Variants in PUM3 observed in about 807,000 individuals in gnomAD.
PUM3 encodes the protein pumilio RNA binding family member 3, also known as pumilio homolog 3.
Under a neutral mutation model 84.0 loss-of-function variants are expected in PUM3, and 91 were observed. The ratio of observed to expected loss-of-function variants is 1.08; its 90% CI spans 0.91 to 1.29. PUM3 has a LOEUF of 1.29. PUM3 is among the 50% of genes most tolerant of loss of function. The pLI is 0.00. For synonymous variants in PUM3, 321 were observed against 266.7 expected (o/e 1.20, Z -1.98); for missense variants, 1,067 against 767.5 (o/e 1.39, Z -4.61).
intron 1 of PUM3, among the ~76,000 whole-genome samples, chr9:2,843,534 A>T (rs1165839554): frequency 1.3e-5 from 2 of 149,600 alleles, no homozygotes; most frequent in Non-Finnish European, 3.0e-5. Flanking sequence ...CCCGGCACGC[A>T]GGGCAACGTG....
At chr9:2,825,419 A>C (rs1815787522) in intron 10 of PUM3, among the ~76,000 whole-genome samples, 1 of 152,098 alleles carries the variant, frequency 6.6e-6, no homozygotes, top group Non-Finnish European at 1.5e-5. Flanking sequence ...TTAATTTCTC[A>C]CTAGGTAGCT....
chr9:2,805,305 C>A (rs987282960), intron 17 of PUM3, among the ~76,000 whole-genome samples: 1 of 152,174 alleles, frequency 6.6e-6, no homozygotes, highest in Non-Finnish European at 1.5e-5. Flanking sequence ...GTGAAAGGAG[C>A]CATAGAGGCT....
In PUM3 at chr9:2,829,824, T is replaced by C. The variant is rs750725732; in HGVS notation, c.802A>G (p.Arg268Gly). 6.2e-7 allele frequency: 1 copy of C among 1,614,080 alleles called. No homozygotes were observed. Among genetic ancestry groups the C allele is most frequent in the African/African-American group, 1.3e-5 (1 of 74,942 alleles). ...AYNDKAILEQ[R>G]NMLTEELYGN... ...TAGAGCTCTTCCGTCAGCATGTTCC[T>C]CTGCTCCAAAATGGCTTTGTCATTG... The change falls in exon 8 of 18, where the codon AGG (arginine) becomes GGG (glycine). Residue 268 changes from arginine (R) to glycine (G), a missense_variant. By Grantham distance (125) the Arg-to-Gly change is moderately radical. Transcript: ENST00000397885.
chr9:2,842,088 C>T (rs1214391102), intron 1 of PUM3, among the ~76,000 whole-genome samples: 3 of 152,196 alleles, frequency 2.0e-5, no homozygotes, highest in African/African-American at 7.2e-5. Flanking sequence ...TGGAATCATA[C>T]AATATGTAAC....
At chr9:2,812,403 T>C in intron 13 of PUM3, 41 bp from the exon 14 acceptor site, 2 of 1,368,326 alleles carry the variant, frequency 1.5e-6, no homozygotes, top group Non-Finnish European at 2.0e-6. Flanking sequence ...AATATCTGCA[T>C]TCTCAAAACA....
chr9:2,831,535 T>C (rs1164401977), intron 5 of PUM3, among the ~76,000 whole-genome samples, 191 bp from the exon 6 acceptor site: 1 of 152,190 alleles, frequency 6.6e-6, no homozygotes, highest in Non-Finnish European at 1.5e-5. Context: ...AGGCCTACCA[T>C]ATTTGATAGG....
intron 13 of PUM3, among the ~76,000 whole-genome samples, chr9:2,812,933 T>A (rs922450838): frequency 1.2e-4 from 18 of 152,232 alleles, no homozygotes; most frequent in African/African-American, 4.1e-4. Flanking sequence ...GAAGAACACT[T>A]CTATTAGAAT....
chr9:2,806,241 A>G (rs1821256074), intron 17 of PUM3, among the ~76,000 whole-genome samples: 2 of 152,208 alleles, frequency 1.3e-5, no homozygotes, highest in African/African-American at 2.4e-5. Flanking sequence ...ATGCCTGGTA[A>G]AAAAATTTGT....
chr9:2,810,188 C>T lies in PUM3; in HGVS notation c.1723+156G>A, dbSNP rs541481216. 3.9e-4 allele frequency among the ~76,000 whole-genome samples: 59 copies of T among 152,182 alleles called. 2 individuals carry two copies. In the South Asian group the frequency reaches 0.011, roughly 29 times the overall value. ...AATATTTCTAGGGGAAAAAGCATTA[C>T]CAGCAACCACTGAATCATTTCTTAT... On this transcript the variant is annotated intron_variant, in intron 16 of 17. Transcript: ENST00000397885.
chr9:2,820,197 C>T (rs1438019522), intron 12 of PUM3, 99 bp from the exon 13 acceptor site: 39 of 411,692 alleles, frequency 9.5e-5, no homozygotes, highest in African/African-American at 1.8e-4. Flanking sequence ...AGCGAGACTC[C>T]GCTCAAAAAA....
At chr9:2,832,803 G>A (rs1174025617) in intron 5 of PUM3, among the ~76,000 whole-genome samples, 1 of 152,136 alleles carries the variant, frequency 6.6e-6, no homozygotes, top group African/African-American at 2.4e-5. Context: ...AAAACTATGA[G>A]AATCTGTTGT....
chr9:2,838,403 C>T (rs986655392), intron 2 of PUM3, 23 bp downstream of exon 2: 3 of 1,527,340 alleles, frequency 2.0e-6, no homozygotes, highest in Non-Finnish European at 2.7e-6. Context: ...CAGCCAAACA[C>T]CCACATGGGA....
At chr9:2,824,407 T>G (rs1279786599) in intron 11 of PUM3, among the ~76,000 whole-genome samples, 1 of 152,168 alleles carries the variant, frequency 6.6e-6, no homozygotes, top group Admixed American at 6.5e-5. Flanking sequence ...GTATGATCAT[T>G]AAAAGAGGAG....
intron 4 of PUM3, 45 bp downstream of exon 4, chr9:2,833,986 C>A: frequency 6.3e-7 from 1 of 1,592,662 alleles, no homozygotes; most frequent in Non-Finnish European, 8.6e-7. Context: ...CTGACTTCTC[C>A]ACTGTTGCAA....
In PUM3 at chr9:2,811,413, G is replaced by A; in HGVS notation, c.1583C>T (p.Ala528Val). The change falls in exon 15 of 18, where the codon GCC (alanine) becomes GTC (valine). Residue 528 changes from alanine (A) to valine (V), a missense_variant. Coordinates refer to ENST00000397885, the MANE Select transcript of PUM3 (RefSeq NM_014878.5). The part of the protein sequence containing the change: ...ATGDVQPTMN[A>V]IASLAATGLH... Reference sequence around the variant, plus strand: ...TCCTGTTGCTGCCAAGCTGGCGATGGCATTCATGGTAGGCTGAACGTCTCC... The same window carrying A: ...TCCTGTTGCTGCCAAGCTGGCGATGACATTCATGGTAGGCTGAACGTCTCC... 1 of 1,614,124 alleles carries A rather than the reference G, an allele frequency of 6.2e-7. No individual in the cohort carries two copies. The highest frequency in any genetic ancestry group is 8.5e-7 in the Non-Finnish European group (1 of 1,180,024).
At chr9:2,829,538 G>A (rs1815915269) in intron 8 of PUM3, among the ~76,000 whole-genome samples, 1 of 152,208 alleles carries the variant, frequency 6.6e-6, no homozygotes, top group Non-Finnish European at 1.5e-5. Flanking sequence ...AGAGCACTCA[G>A]GAGAGGAACA....
chr9:2,810,439 G>A lies in PUM3; in HGVS notation c.1636-8C>T, dbSNP rs752457524. ...ATGTTCTGCAATGTGAAGCTATGAAGGGTCAAGAACAGTTAATTTTAAAAG... is the reference window on the plus strand; with the variant it reads ...ATGTTCTGCAATGTGAAGCTATGAAAGGTCAAGAACAGTTAATTTTAAAAG... On this transcript the variant is annotated splice_region_variant and splice_polypyrimidine_tract_variant and intron_variant, in intron 15 of 17. Coordinates refer to ENST00000397885, the MANE Select transcript of PUM3 (RefSeq NM_014878.5). The A allele has an allele frequency of 1.2e-5, 19 of 1,591,572 alleles. No individual in the cohort carries two copies. The highest frequency in any genetic ancestry group is 1.5e-5 in the Non-Finnish European group (18 of 1,164,872).
chr9:2,813,108 G>A (rs933804818), intron 13 of PUM3, among the ~76,000 whole-genome samples: 7 of 152,168 alleles, frequency 4.6e-5, no homozygotes, highest in African/African-American at 9.7e-5. Context: ...AATCCAGAAA[G>A]CCTCGACTAA....
chr9:2,842,528 C>T (rs1363424105), intron 1 of PUM3, among the ~76,000 whole-genome samples: 1 of 152,146 alleles, frequency 6.6e-6, no homozygotes, highest in Admixed American at 6.5e-5. Flanking sequence ...TTCTACCCAT[C>T]CTTCAAATTC....
Sources: gnomAD v4.1 joint callset for allele counts (sites outside exome capture counted in the v4.1 genomes callset) on GRCh38, gnomAD v4.1.1 for gene constraint, MANE v1.5 for transcripts, NCBI Gene and HGNC (gene_info 2026-07-23, HGNC 2026-07-21) for gene names.